Variants in NXPH2 observed in about 807,000 individuals in gnomAD.
The protein encoded by NXPH2 is neurexophilin-2.
A neutral mutation model predicts 19.8 loss-of-function variants in NXPH2; 5 were observed. The observed-to-expected ratio is 0.25, with a 90% CI of 0.13 to 0.53. The LOEUF is 0.53. NXPH2 is among the 20% of genes least tolerant of loss of function. NXPH2 has a pLI of 0.96. For synonymous variants in NXPH2, 154 were observed against 127.4 expected (o/e 1.21, Z -1.41); for missense variants, 289 against 322.8 (o/e 0.90, Z 0.80).
At chr2:138,716,041 A>G (rs1288817688) in intron 1 of NXPH2, among the ~76,000 whole-genome samples, 1 of 151,996 alleles carries the variant, frequency 6.6e-6, no homozygotes, top group Non-Finnish European at 1.5e-5. Flanking sequence ...TTGTACTTGG[A>G]GTTTCTTTGG....
chr2:138,780,191 C>T lies in NXPH2; in HGVS notation c.51G>A (p.Leu17=). The change falls in exon 1 of 2, where the codon CTG becomes CTA. Residue 17 remains leucine (L), a splice_region_variant and synonymous_variant. Coordinates refer to ENST00000272641, the MANE Select transcript of NXPH2 (RefSeq NM_007226.3). ...GACGGCGCGCGGGCCGGGCACTCAC[C>T]AGCTGCAGCAAGCCAGGGACCACCA... is the stretch of plus-strand genomic sequence containing the variant. ...PLVVVPGLLQ[L]LFCDSKEVVH... 6.7e-7 allele frequency: 1 copy of T among 1,491,194 alleles called. No homozygotes were observed. Among genetic ancestry groups the T allele is most frequent in the South Asian group, 1.3e-5 (1 of 79,298 alleles). The allele number at this position is 1,491,194 out of a possible 1,614,324, so 92.4% of individuals were successfully genotyped here.
intron 1 of NXPH2, among the ~76,000 whole-genome samples, chr2:138,734,050 G>A (rs992825393): frequency 2.6e-5 from 4 of 152,164 alleles, no homozygotes; most frequent in African/African-American, 9.7e-5. Flanking sequence ...TTCAAGACCT[G>A]TCTGGCCAAT....
At chr2:138,733,514 G>A (rs919120073) in intron 1 of NXPH2, among the ~76,000 whole-genome samples, 1 of 152,138 alleles carries the variant, frequency 6.6e-6, no homozygotes, top group East Asian at 1.9e-4. Context: ...AAGGCAAGAA[G>A]AAAAGAGTTT....
intron 1 of NXPH2, among the ~76,000 whole-genome samples, chr2:138,716,259 G>A (rs1467667108): frequency 6.6e-6 from 1 of 152,170 alleles, no homozygotes; most frequent in Non-Finnish European, 1.5e-5. Context: ...TGGTCTGCAT[G>A]TTTATATCCC....
At chr2:138,743,351 T>A (rs1193050610) in intron 1 of NXPH2, among the ~76,000 whole-genome samples, 1 of 152,242 alleles carries the variant, frequency 6.6e-6, no homozygotes, top group Non-Finnish European at 1.5e-5. Flanking sequence ...CAGTTATTTT[T>A]AAAATGAAGG....
chr2:138,724,992 C>T (rs1558922732), intron 1 of NXPH2, among the ~76,000 whole-genome samples: 1 of 152,304 alleles, frequency 6.6e-6, no homozygotes, highest in East Asian at 1.9e-4. Context: ...TATTCTGGTG[C>T]TCCACAATTA....
intron 1 of NXPH2, among the ~76,000 whole-genome samples, chr2:138,703,286 T>C (rs1454462377): frequency 6.6e-6 from 1 of 152,172 alleles, no homozygotes; most frequent in African/African-American, 2.4e-5. Context: ...ATTAAAGCCA[T>C]ACATACCCTC....
rs1011613541 is a variant in NXPH2, at chr2:138,669,624, C to G, written c.*1298G>C. Among the ~76,000 whole-genome samples, 3 of 152,102 alleles carry G rather than the reference C, an allele frequency of 2.0e-5. No individual in the cohort carries two copies. The highest frequency in any genetic ancestry group is 7.2e-5 in the African/African-American group (3 of 41,420). ...TAAGAAGGGAGAAAGAAGTTAACAT[C>G]TATTGTAAAAGGAGTGACCATTCCA... On this transcript the variant is annotated 3_prime_UTR_variant, in exon 2 of 2. Coordinates refer to ENST00000272641, the MANE Select transcript of NXPH2 (RefSeq NM_007226.3).
At chr2:138,778,110 C>G (rs1183166845) in intron 1 of NXPH2, among the ~76,000 whole-genome samples, 1 of 152,194 alleles carries the variant, frequency 6.6e-6, no homozygotes, top group Non-Finnish European at 1.5e-5. Context: ...TGCTCAGCCA[C>G]TCTGTTTTCC....
intron 1 of NXPH2, among the ~76,000 whole-genome samples, chr2:138,717,141 G>A (rs1681207184): frequency 6.6e-6 from 1 of 152,050 alleles, no homozygotes; most frequent in Admixed American, 6.6e-5. Context: ...AAAGAAGGAA[G>A]GAGCTTTTTA....
chr2:138,774,978 T>A (rs1467704575), intron 1 of NXPH2, among the ~76,000 whole-genome samples: 1 of 152,202 alleles, frequency 6.6e-6, no homozygotes, highest in Non-Finnish European at 1.5e-5. Flanking sequence ...GAAATCTAAG[T>A]CAGCGTTATT....
At chr2:138,698,312 A>G (rs1166869873) in intron 1 of NXPH2, among the ~76,000 whole-genome samples, 2 of 152,214 alleles carry the variant, frequency 1.3e-5, no homozygotes, top group Non-Finnish European at 2.9e-5. Flanking sequence ...ATTGTATATA[A>G]AGTACTATTT....
chr2:138,779,714 G>C (rs1025294400), intron 1 of NXPH2, among the ~76,000 whole-genome samples: 2 of 152,152 alleles, frequency 1.3e-5, no homozygotes, highest in Non-Finnish European at 2.9e-5. Context: ...CCACTACCTG[G>C]CTCTGAGAAC....
chr2:138,674,819 T>C (rs1338832837), intron 1 of NXPH2, among the ~76,000 whole-genome samples: 1 of 152,230 alleles, frequency 6.6e-6, no homozygotes, highest in Non-Finnish European at 1.5e-5. Flanking sequence ...TGATTCTTGC[T>C]GCCCATAGTC....
At chr2:138,744,702 A>ACT (rs563336940) in intron 1 of NXPH2, among the ~76,000 whole-genome samples, 1 of 150,936 alleles carries the variant, frequency 6.6e-6, no homozygotes, top group Non-Finnish European at 1.5e-5. Context: ...CTTCCCAGTC[A>ACT]CTCTCTCTCG....
At chr2:138,757,484 C>T (rs1435159411) in intron 1 of NXPH2, among the ~76,000 whole-genome samples, 1 of 152,066 alleles carries the variant, frequency 6.6e-6, no homozygotes, top group Admixed American at 6.6e-5. Context: ...AGCAGGATAC[C>T]CTTGTAACCA....
chr2:138,673,314 T>C (rs2104964009), intron 1 of NXPH2, among the ~76,000 whole-genome samples: 1 of 152,236 alleles, frequency 6.6e-6, no homozygotes, highest in African/African-American at 2.4e-5. Flanking sequence ...TTACTCTGGA[T>C]TTCTGGCTCA....
At chr2:138,684,137 T>C (rs1680614879) in intron 1 of NXPH2, among the ~76,000 whole-genome samples, 1 of 152,192 alleles carries the variant, frequency 6.6e-6, no homozygotes, top group Non-Finnish European at 1.5e-5. Context: ...GATTCTTACA[T>C]CTACTTTATG....
At chr2:138,759,799 G>A (rs928630502) in intron 1 of NXPH2, among the ~76,000 whole-genome samples, 4 of 145,938 alleles carry the variant, frequency 2.7e-5, no homozygotes, top group East Asian at 4.1e-4. Context: ...GCGCAATCTC[G>A]GCTCACTGCA....
Sources: allele counts gnomAD v4.1 joint callset (sites outside exome capture counted in the v4.1 genomes callset), GRCh38; gene constraint gnomAD v4.1.1; transcripts MANE v1.5; gene names NCBI Gene and HGNC (gene_info 2026-07-23, HGNC 2026-07-21).